KCTD14: variants seen among roughly 807,000 people sequenced by gnomAD.
KCTD14 encodes the protein BTB/POZ domain-containing protein KCTD14.
In KCTD14, 7 loss-of-function variants were observed where a neutral mutation model predicts 5.9. The ratio of observed to expected loss-of-function variants is 1.19; its 90% CI spans 0.68 to 2.23. The LOEUF is 2.23. Among genes scored for constraint, KCTD14 ranks in the 30% most tolerant of loss-of-function variants. KCTD14 has a pLI of 0.00. For synonymous variants in KCTD14, 140 were observed against 133.1 expected (o/e 1.05, Z -0.36); for missense variants, 342 against 332.2 (o/e 1.03, Z -0.23).
rs773238436 is a variant in KCTD14 at position 78,017,034 on chromosome 11, C to A, written c.327G>T (p.Glu109Asp). 2.4e-5 allele frequency: 39 copies of A among 1,614,134 alleles called. No individual in the cohort carries two copies. Among genetic ancestry groups the A allele is most frequent in the Non-Finnish European group, 3.3e-5 (39 of 1,180,056 alleles). ...AAGGCTTGATTTCGTAGAACTGAGC[C>A]TCACGGTACACTTCAGGGATGTGCT... ...PTQHIPEVYR[E>D]AQFYEIKPLV... Residue 109 changes from glutamate (E) to aspartate (D), a missense_variant, in exon 2 of 2, where the codon GAG (glutamate) becomes GAT (aspartate). Physicochemically the swap from Glu to Asp is conservative, Grantham distance 45. Coordinates refer to ENST00000353172, the MANE Select transcript of KCTD14 (RefSeq NM_023930.4).
upstream of KCTD14, among the ~76,000 whole-genome samples, chr11:78,024,449 T>C (rs7358446): frequency 0.017 from 207 of 12,258 alleles, no homozygotes; most frequent in African/African-American, 0.024. Context: ...CACACACATA[T>C]ATATATATAT....
At chr11:78,031,477 C>T (rs1301198961) in intron 2 of KCTD14, among the ~76,000 whole-genome samples, 1 of 152,032 alleles carries the variant, frequency 6.6e-6, no homozygotes, top group Admixed American at 6.6e-5. Context: ...CTCCAGAGTT[C>T]AAGCAATTCT....
At chr11:78,040,638 TCCTTGCTAGG>T (rs1857965749) in intron 1 of KCTD14, among the ~76,000 whole-genome samples, 1 of 151,648 alleles carries the variant, frequency 6.6e-6, no homozygotes, top group Admixed American at 6.6e-5. Flanking sequence ...ACCAACATTC[TCCTTGCTAGG>T]CCTTGATTTT....
chr11:78,025,114 GTGTGTATATA>G (rs1474616304), upstream of KCTD14, among the ~76,000 whole-genome samples: 297 of 66,784 alleles, frequency 4.4e-3, no homozygotes, highest in South Asian at 6.8e-3. Context: ...GTGTGTGTGT[GTGTGTATATA>G]TATATATATA....
intron 1 of KCTD14, among the ~76,000 whole-genome samples, chr11:78,045,578 A>G (rs1163155128): frequency 6.6e-6 from 1 of 152,200 alleles, no homozygotes; most frequent in Non-Finnish European, 1.5e-5. Flanking sequence ...CATTTAAACT[A>G]TAAACTAAAT....
chr11:78,025,273 G>A (rs540881285), upstream of KCTD14, among the ~76,000 whole-genome samples: 15 of 151,774 alleles, frequency 9.9e-5, no homozygotes, highest in South Asian at 3.1e-3. Flanking sequence ...CTTGGAGTCT[G>A]ATGTTTGAAG....
chr11:78,031,178 C>T (rs1415441042), intron 2 of KCTD14, among the ~76,000 whole-genome samples: 3 of 151,292 alleles, frequency 2.0e-5, no homozygotes, highest in African/African-American at 7.3e-5. Flanking sequence ...CCTTAGCCTC[C>T]CAAGTAGCTG....
At chr11:78,028,602 CAAA>C (rs56160318) in intron 2 of KCTD14, among the ~76,000 whole-genome samples, 11 of 106,044 alleles carry the variant, frequency 1.0e-4, no homozygotes, top group Non-Finnish European at 1.4e-4. Context: ...GTGTCCATCT[CAAA>C]AAAAAAAAAA....
chr11:78,024,447 TATATATATATATAC>T (rs1390912712), upstream of KCTD14, among the ~76,000 whole-genome samples: 1 of 12,438 alleles, frequency 8.0e-5, no homozygotes, highest in East Asian at 1.4e-3. Context: ...CACACACACA[TATATATATATATAC>T]ATATATATAT....
At chr11:78,020,705 A>G (rs577078069) in intron 1 of KCTD14, among the ~76,000 whole-genome samples, 1 of 152,370 alleles carries the variant, frequency 6.6e-6, no homozygotes, top group East Asian at 1.9e-4. Context: ...ACAGGCAAGG[A>G]AAGCTCAGAC....
At chr11:78,024,657 G>T (rs571915329), upstream of KCTD14, among the ~76,000 whole-genome samples, 1 of 151,614 alleles carries the variant, frequency 6.6e-6, no homozygotes, top group African/African-American at 2.4e-5. Context: ...CAGAACTAAC[G>T]GAATAGGGTT....
intron 1 of KCTD14, among the ~76,000 whole-genome samples, chr11:78,041,194 G>A (rs1021277504): frequency 1.3e-5 from 2 of 152,202 alleles, no homozygotes; most frequent in African/African-American, 4.8e-5. Flanking sequence ...CGCAGTGGCA[G>A]CAGGATGTAG....
upstream of KCTD14, among the ~76,000 whole-genome samples, chr11:78,027,772 T>A (rs1445133244): frequency 1.3e-5 from 2 of 152,156 alleles, no homozygotes; most frequent in African/African-American, 4.8e-5. Context: ...TCTGGGTTAC[T>A]ATAAAGGGTT....
intron 1 of KCTD14, among the ~76,000 whole-genome samples, chr11:78,044,299 A>C (rs7127634): frequency 0.84 from 127,682 of 152,086 alleles, 53,795 homozygotes; most frequent in African/African-American, 0.89. Flanking sequence ...GGCTGCTAGG[A>C]AGGGGCTGCA....
chr11:78,039,078 A>G (rs1236305871), intron 1 of KCTD14, among the ~76,000 whole-genome samples: 1 of 151,778 alleles, frequency 6.6e-6, no homozygotes, highest in Non-Finnish European at 1.5e-5. Context: ...CAAAAAAAAA[A>G]AAAAAAACAC....
intron 2 of KCTD14, among the ~76,000 whole-genome samples, chr11:78,033,308 T>C (rs1386213365): frequency 1.3e-5 from 2 of 152,150 alleles, no homozygotes; most frequent in African/African-American, 4.8e-5. Flanking sequence ...TAAATAAGAA[T>C]ATATCCATAT....
At chr11:78,019,024 T>C (rs1857244091) in intron 1 of KCTD14, among the ~76,000 whole-genome samples, 1 of 135,594 alleles carries the variant, frequency 7.4e-6, no homozygotes, top group Non-Finnish European at 1.5e-5. Context: ...ATTTTTTCTT[T>C]TCTTTTTTTT....
chr11:78,017,196 C>G lies in KCTD14; in HGVS notation c.165G>C (p.Pro55=). 8 of 1,613,714 alleles carry G rather than the reference C, an allele frequency of 5.0e-6. No homozygotes were observed. Among genetic ancestry groups the G allele is most frequent in the Non-Finnish European group, 6.8e-6 (8 of 1,179,694 alleles). ...AGAACATCTCTGCCAGCTTTGAGCC[C>G]GGAAACTTCCTCAGGGTACCCAGGG... ...TTTLGTLRKF[P]GSKLAEMFSS... is the part of the protein sequence containing the mutation. The change falls in exon 2 of 2, where the codon CCG becomes CCC. Residue 55 remains proline, a synonymous_variant. Transcript: ENST00000353172.
intron 1 of KCTD14, 99 bp downstream of exon 1, chr11:78,023,061 G>T: frequency 1.2e-6 from 1 of 810,534 alleles, no homozygotes; most frequent in Non-Finnish European, 2.0e-6. Context: ...GGGCTCGGGC[G>T]TCTGGGAGGG....
Sources: gnomAD v4.1 joint callset for allele counts (sites outside exome capture counted in the v4.1 genomes callset) on GRCh38, gnomAD v4.1.1 for gene constraint, MANE v1.5 for transcripts, NCBI Gene and HGNC (gene_info 2026-07-23, HGNC 2026-07-21) for gene names.